Variants in CNTLN observed in about 807,000 individuals in gnomAD.
The protein encoded by CNTLN is centlein, centrosomal protein.
In CNTLN, 212 loss-of-function variants were observed where a neutral mutation model predicts 180.0. The ratio of observed to expected loss-of-function variants is 1.18; its 90% CI spans 1.05 to 1.32. The LOEUF is 1.32. Ranked by LOEUF, CNTLN falls within the 40% of genes most tolerant of loss-of-function variation. CNTLN has a pLI of 0.00. For synonymous variants in CNTLN, 722 were observed against 563.1 expected (o/e 1.28, Z -3.99); for missense variants, 2,095 against 1,610.9 (o/e 1.30, Z -5.14).
downstream of CNTLN, among the ~76,000 whole-genome samples, chr9:17,506,265 G>T (rs1490902082): frequency 6.6e-6 from 1 of 151,982 alleles, no homozygotes; most frequent in African/African-American, 2.4e-5. Context: ...AAGAAAAATT[G>T]ATAAGTTTTA....
intron 12 of CNTLN, among the ~76,000 whole-genome samples, chr9:17,345,243 C>G (rs1160765060): frequency 6.6e-6 from 1 of 152,136 alleles, no homozygotes; most frequent in Non-Finnish European, 1.5e-5. Context: ...ATTCTGTAGA[C>G]TGCCCTTTCA....
chr9:17,373,658 C>A (rs1411953965), intron 13 of CNTLN, among the ~76,000 whole-genome samples: 1 of 151,960 alleles, frequency 6.6e-6, no homozygotes, highest in Non-Finnish European at 1.5e-5. Context: ...ATAAAAGAGA[C>A]CCAGAATAGC....
chr9:17,515,535 A>C, the CNTLN span, among the ~76,000 whole-genome samples: 1 of 152,054 alleles, frequency 6.6e-6, no homozygotes, highest in African/African-American at 2.4e-5. Flanking sequence ...TCCAGAGCTG[A>C]ATTTGTGCTG....
chr9:17,342,505 G>T (rs1821563692), intron 12 of CNTLN, 61 bp downstream of exon 12: 3 of 1,439,638 alleles, frequency 2.1e-6, no homozygotes, highest in Non-Finnish European at 2.8e-6. Flanking sequence ...TTTTTTCATG[G>T]CTTAAAAGCT....
chr9:17,390,845 A>G (rs1035841237), intron 14 of CNTLN, among the ~76,000 whole-genome samples: 3 of 152,056 alleles, frequency 2.0e-5, no homozygotes, highest in African/African-American at 7.2e-5. Context: ...AATAATTTTG[A>G]CCAGTTCTCA....
chr9:17,368,636 A>C (rs1824035483), intron 13 of CNTLN, among the ~76,000 whole-genome samples: 1 of 152,196 alleles, frequency 6.6e-6, no homozygotes, highest in East Asian at 1.9e-4. Context: ...CCCCAGCTCC[A>C]GAAGGCTCAG....
intron 7 of CNTLN, among the ~76,000 whole-genome samples, chr9:17,307,706 G>C (rs927133737): frequency 1.3e-4 from 19 of 151,948 alleles, no homozygotes; most frequent in South Asian, 4.2e-4. Context: ...GGTTTTACAA[G>C]CCTTTTTAAA....
At chr9:17,495,533 A>C (rs773497543) in intron 25 of CNTLN, among the ~76,000 whole-genome samples, 15 of 152,210 alleles carry the variant, frequency 9.9e-5, no homozygotes, top group African/African-American at 3.6e-4. Flanking sequence ...ACAGCTGTAC[A>C]GTATGTTTAT....
intron 6 of CNTLN, among the ~76,000 whole-genome samples, chr9:17,291,528 C>T (rs547361130): frequency 2.0e-5 from 3 of 152,270 alleles, no homozygotes; most frequent in African/African-American, 7.2e-5. Context: ...GTTAGCAGTT[C>T]ACATTGAATT....
At chr9:17,203,994 T>C (rs1010457060) in intron 2 of CNTLN, among the ~76,000 whole-genome samples, 2 of 152,254 alleles carry the variant, frequency 1.3e-5, no homozygotes, top group African/African-American at 4.8e-5. Context: ...TCTTGTGCTG[T>C]GTTTTTCAGC....
In CNTLN at chr9:17,309,071, T is replaced by C. The variant is rs1316757954; in HGVS notation, c.1160T>C (p.Leu387Ser). 1 of 1,585,238 alleles carries C rather than the reference T, an allele frequency of 6.3e-7. No individual in the cohort carries two copies. Among genetic ancestry groups the C allele is most frequent in the African/African-American group, 1.4e-5 (1 of 73,094 alleles). ...TTTTTGAAACAGCTTTACAATGAGT[T>C]ACATATTTGTTTTGAAACCACAAAA... ...SISYQKLYNE[L>S]HICFETTKSN... The change falls in exon 8 of 26, where the codon TTA (leucine) becomes TCA (serine). Residue 387 changes from leucine to serine, a missense_variant. Physicochemically the swap from Leu to Ser is moderately radical, Grantham distance 145 (BLOSUM62 -2). Coordinates refer to ENST00000380647, the MANE Select transcript of CNTLN (RefSeq NM_017738.4).
At chr9:17,290,203 C>T (rs1186569709) in intron 6 of CNTLN, among the ~76,000 whole-genome samples, 1 of 152,038 alleles carries the variant, frequency 6.6e-6, no homozygotes, top group Non-Finnish European at 1.5e-5. Flanking sequence ...GATGTCCTTT[C>T]TGTTTGTTAG....
At chr9:17,371,670 TC>T (rs1027581134) in intron 13 of CNTLN, among the ~76,000 whole-genome samples, 1 of 152,130 alleles carries the variant, frequency 6.6e-6, no homozygotes, top group Non-Finnish European at 1.5e-5. Context: ...CACATTCTTC[TC>T]CCCAGCACAT....
chr9:17,497,690 C>T (rs576765318), intron 25 of CNTLN, among the ~76,000 whole-genome samples: 5 of 152,104 alleles, frequency 3.3e-5, no homozygotes, highest in South Asian at 2.1e-4. Context: ...TCCAAGAATT[C>T]TTTTTTTCTA....
At chr9:17,228,404 A>G (rs1289471473) in intron 3 of CNTLN, among the ~76,000 whole-genome samples, 5 of 152,026 alleles carry the variant, frequency 3.3e-5, no homozygotes, top group Admixed American at 6.6e-5. Context: ...AGGATTAATC[A>G]TTTCATTTTT....
At chr9:17,509,450 A>G in the CNTLN span, among the ~76,000 whole-genome samples, 2 of 152,340 alleles carry the variant, frequency 1.3e-5, no homozygotes, top group African/African-American at 4.8e-5. Context: ...GGCATTGCAC[A>G]CAGCATTGTT....
intron 15 of CNTLN, among the ~76,000 whole-genome samples, chr9:17,395,832 G>T (rs1826473144): frequency 6.6e-6 from 1 of 152,176 alleles, no homozygotes; most frequent in Admixed American, 6.5e-5. Context: ...GTGAACCAGA[G>T]CAACTCCATC....
chr9:17,164,259 C>T (rs1819891546), intron 2 of CNTLN, among the ~76,000 whole-genome samples: 1 of 146,966 alleles, frequency 6.8e-6, no homozygotes, highest in African/African-American at 2.5e-5. Flanking sequence ...TTGCAGTGAG[C>T]CAAGATTGCC....
Position 17,298,223 on chromosome 9 carries a change from A to C in CNTLN, c.1017A>C (p.Lys339Asn), listed in dbSNP as rs1336590608. 6.4e-7 allele frequency: 1 copy of C among 1,557,336 alleles called. No homozygotes were observed. The highest frequency in any genetic ancestry group is 1.3e-5 in the South Asian group (1 of 79,176). Residue 339 changes from lysine to asparagine, a missense_variant, in exon 7 of 26, where the codon AAA becomes AAC. Lys to Asn is a moderately conservative substitution (Grantham distance 94, BLOSUM62 0). Transcript: ENST00000380647. ...KELQELQNLYKQNSTHTAQQA... is the reference protein window; with the variant it reads ...KELQELQNLYNQNSTHTAQQA... ...TGCAGGAGCTGCAGAATCTTTACAA[A>C]CAGAACAGTACACATACAGCCCAGC...
Sources: allele counts gnomAD v4.1 joint callset (sites outside exome capture counted in the v4.1 genomes callset), GRCh38; gene constraint gnomAD v4.1.1; transcripts MANE v1.5; gene names NCBI Gene and HGNC (gene_info 2026-07-23, HGNC 2026-07-21).